Variants in DCLRE1C observed in about 807,000 individuals in gnomAD.
DCLRE1C encodes protein artemis.
Under a neutral mutation model 61.4 loss-of-function variants are expected in DCLRE1C, and 47 were observed. The ratio of observed to expected loss-of-function variants is 0.77; its 90% CI spans 0.61 to 0.98. The LOEUF (loss-of-function observed/expected upper bound fraction) is 0.98, where lower values mean the gene tolerates loss of function less well. DCLRE1C is among the 50% of genes least tolerant of loss of function. The probability of loss-of-function intolerance (pLI) is 0.00; values close to 1 mark genes in which losing one functional copy is unlikely to be tolerated. For synonymous variants in DCLRE1C, 337 were observed against 287.6 expected, an observed-to-expected ratio of 1.17 and a Z score of -1.74; for missense variants, 858 against 816.0, an observed-to-expected ratio of 1.05 and a Z score of -0.63.
chr10:14,948,790 A>C (rs896469783), intron 2 of DCLRE1C, among the ~76,000 whole-genome samples: 1 of 151,542 alleles, frequency 6.6e-6, no homozygotes, highest in Non-Finnish European at 1.5e-5. Flanking sequence ...ATATATATAT[A>C]TCAAGTTCAC....
chr10:14,953,721 A>G (rs1842789263), intron 1 of DCLRE1C, among the ~76,000 whole-genome samples, 181 bp downstream of exon 1: 1 of 152,114 alleles, frequency 6.6e-6, no homozygotes, highest in African/African-American at 2.4e-5. Flanking sequence ...CGCGTTGACC[A>G]CATCCGAAAA....
intron 12 of DCLRE1C, chr10:14,920,365 T>C (rs1836895330): frequency 9.6e-7 from 1 of 1,041,266 alleles, no homozygotes; most frequent in Admixed American, 5.0e-5. Context: ...GAAATAAGAT[T>C]TGAAGACGTC....
At position 14,906,416 on chromosome 10, in the gene DCLRE1C, A is replaced by C. The variant is rs1834397369; in HGVS notation, c.*1992T>G. 6.6e-6 allele frequency among the ~76,000 whole-genome samples: 1 copy of C among 152,256 alleles called. No homozygotes were observed. Among genetic ancestry groups the C allele is most frequent in the Admixed American group, 6.5e-5 (1 of 15,288 alleles). ...TTATAATGCCAGACTCACATATAAA[A>C]CAAACGTAACAGTATGTAATATTAA... On this transcript the variant is annotated 3_prime_UTR_variant, in exon 14 of 14. Coordinates refer to ENST00000378278, the MANE Select transcript of DCLRE1C (RefSeq NM_001033855.3).
At position 14,920,518 on chromosome 10, in the gene DCLRE1C, TC is replaced by T. The variant is rs577010766; in HGVS notation, c.1062-687del. ...TCTTTACAGCCACCCCCATTTTACG[TC>T]CTCACCCCTGTTCCCACAGCTGTTC... On this transcript the variant is annotated intron_variant, in intron 12 of 13. Transcript: ENST00000378278. The T allele has an allele frequency of 1.5e-3, 1,003 of 649,872 alleles. 6 individuals are homozygous for T. In the African/African-American group the frequency reaches 0.018, roughly 12 times the overall value. The allele number at this position is 649,872 out of a possible 1,614,324, so 40.3% of individuals were successfully genotyped here.
At chr10:14,918,199 C>T (rs1025274177) in intron 13 of DCLRE1C, among the ~76,000 whole-genome samples, 5 of 152,156 alleles carry the variant, frequency 3.3e-5, no homozygotes, top group Non-Finnish European at 5.9e-5. Flanking sequence ...TGGCAGCTTT[C>T]TTTTTAATAA....
intron 3 of DCLRE1C, 141 bp from the exon 4 acceptor site, chr10:14,940,010 T>C (rs1840606619): frequency 3.1e-6 from 2 of 641,074 alleles, no homozygotes; most frequent in Non-Finnish European, 5.3e-6. Flanking sequence ...GTAATAAATA[T>C]TTTAACAGTT....
In DCLRE1C at chr10:14,906,383, G is replaced by T. The variant is rs1834395209; in HGVS notation, c.*2025C>A. 6.6e-6 allele frequency among the ~76,000 whole-genome samples: 1 copy of T among 152,140 alleles called. No individual in the cohort carries two copies. The highest frequency in any genetic ancestry group is 1.5e-5 in the Non-Finnish European group (1 of 68,020). ...TAGTTGTCTTAGCCCAATTCATTCA[G>T]CCAGCATTTATAATGCCAGACTCAC... On this transcript the variant is annotated 3_prime_UTR_variant, in exon 14 of 14. Transcript: ENST00000378278.
downstream of DCLRE1C, among the ~76,000 whole-genome samples, chr10:14,901,867 TGA>T (rs1834047520): frequency 6.6e-6 from 1 of 152,160 alleles, no homozygotes; most frequent in East Asian, 1.9e-4. Context: ...GAATTTTTAC[TGA>T]GAGATGTATA....
chr10:14,950,163 A>C (rs894837116), intron 1 of DCLRE1C, among the ~76,000 whole-genome samples: 2 of 152,034 alleles, frequency 1.3e-5, no homozygotes, highest in African/African-American at 2.4e-5. Flanking sequence ...CAATACGGAG[A>C]TACCCTGTCT....
chr10:14,933,596 C>T (rs1023675196), intron 8 of DCLRE1C, among the ~76,000 whole-genome samples: 1 of 151,714 alleles, frequency 6.6e-6, no homozygotes, highest in Non-Finnish European at 1.5e-5. Flanking sequence ...GAGACCGTGC[C>T]ACTGCACTCC....
At chr10:14,934,338 A>AG in intron 8 of DCLRE1C, 42 bp downstream of exon 8, 1 of 1,597,598 alleles carries the variant, frequency 6.3e-7, no homozygotes, top group Non-Finnish European at 8.5e-7. Flanking sequence ...AAAAAAAAAA[A>AG]AAAAAGAAAA....
chr10:14,933,264 G>A lies in DCLRE1C; in HGVS notation c.679-309C>T, dbSNP rs182347019. On this transcript the variant is annotated intron_variant, in intron 8 of 13. Coordinates refer to ENST00000378278, the MANE Select transcript of DCLRE1C (RefSeq NM_001033855.3). ...AAGAGAAATTCAGTTAATATTCCTC[G>A]TACACCTACTATGTGTCGAGCTTTA... Among the ~76,000 whole-genome samples the A allele has an allele frequency of 5.3e-5, 8 of 152,228 alleles. No individual in the cohort carries two copies. In the South Asian group the frequency reaches 6.2e-4, roughly 12 times the overall value.
chr10:14,909,844 C>T (rs1834953117), intron 13 of DCLRE1C, among the ~76,000 whole-genome samples: 1 of 152,132 alleles, frequency 6.6e-6, no homozygotes, highest in South Asian at 2.1e-4. Context: ...GTTTTATGCA[C>T]AAGGTTGCAA....
chr10:14,942,884 G>A (rs1337628322), intron 3 of DCLRE1C, among the ~76,000 whole-genome samples: 1 of 152,120 alleles, frequency 6.6e-6, no homozygotes, highest in Non-Finnish European at 1.5e-5. Flanking sequence ...CCAGCCCTTG[G>A]GTGGCCGAGG....
At chr10:14,941,500 C>T (rs141598481) in intron 3 of DCLRE1C, among the ~76,000 whole-genome samples, 36 of 152,198 alleles carry the variant, frequency 2.4e-4, no homozygotes, top group East Asian at 1.5e-3. Context: ...TTGCCCAGGC[C>T]GGTTTCGAAC....
intron 12 of DCLRE1C, 107 bp from the exon 13 acceptor site, chr10:14,919,939 G>A: frequency 1.1e-6 from 1 of 883,786 alleles, no homozygotes. Context: ...TAATTTCTTG[G>A]ATCCCTGTTT....
At chr10:14,947,064 T>C (rs1396979521) in intron 2 of DCLRE1C, among the ~76,000 whole-genome samples, 1 of 151,882 alleles carries the variant, frequency 6.6e-6, no homozygotes, top group East Asian at 1.9e-4. Flanking sequence ...AATAAAAAAT[T>C]AGTTGGGCTT....
intron 13 of DCLRE1C, among the ~76,000 whole-genome samples, chr10:14,914,792 T>C (rs1485030379): frequency 6.6e-6 from 1 of 151,812 alleles, no homozygotes; most frequent in Non-Finnish European, 1.5e-5. Context: ...TACAAAACAT[T>C]AGCCAGGTAT....
intron 11 of DCLRE1C, among the ~76,000 whole-genome samples, chr10:14,926,237 C>A (rs190475815): frequency 6.6e-6 from 1 of 152,148 alleles, no homozygotes; most frequent in Non-Finnish European, 1.5e-5. Context: ...GAGCCGAGAA[C>A]GTGCACGTCA....
Sources: gnomAD v4.1 joint callset for allele counts (sites outside exome capture counted in the v4.1 genomes callset) on GRCh38, gnomAD v4.1.1 for gene constraint, MANE v1.5 for transcripts, NCBI Gene and HGNC (gene_info 2026-07-23, HGNC 2026-07-21) for gene names.